TLL1: variants seen among roughly 807,000 people sequenced by gnomAD.
The protein encoded by TLL1 is tolloid like 1.
TLL1 carries 49 observed loss-of-function variants against 128.2 expected under a neutral mutation model. The observed-to-expected ratio is 0.38, with a 90% CI of 0.30 to 0.48. TLL1 has a LOEUF of 0.48. TLL1 is among the 20% of genes least tolerant of loss of function. The probability of loss-of-function intolerance (pLI) is 0.96; values close to 1 mark genes in which losing one functional copy is unlikely to be tolerated. For synonymous variants in TLL1, 454 were observed against 418.8 expected (o/e 1.08, Z -1.03); for missense variants, 1,123 against 1,242.0 (o/e 0.90, Z 1.44).
intron 1 of TLL1, among the ~76,000 whole-genome samples, chr4:165,934,260 C>A (rs947603484): frequency 6.6e-6 from 1 of 151,518 alleles, no homozygotes; most frequent in Admixed American, 6.6e-5. Flanking sequence ...GGTGATCCAC[C>A]CGCCTCAGCC....
chr4:166,014,582 A>C (rs776211780), intron 8 of TLL1, 22 bp downstream of exon 8: 2 of 1,610,400 alleles, frequency 1.2e-6, no homozygotes, highest in Non-Finnish European at 1.7e-6. Flanking sequence ...CACAAACACA[A>C]GAGCATGACT....
chr4:166,085,902 G>A (rs768399682), intron 18 of TLL1, among the ~76,000 whole-genome samples: 5 of 152,074 alleles, frequency 3.3e-5, no homozygotes, highest in African/African-American at 4.8e-5. Flanking sequence ...AAAGCCTACT[G>A]TACTTTCTAA....
rs116897421 is a variant in TLL1, at chr4:165,912,417, C to A, written c.169+38344C>A. Among the ~76,000 whole-genome samples the A allele has an allele frequency of 2.4e-3, 359 of 152,284 alleles. 2 individuals are homozygous for A. The East Asian group carries it at 0.043, about 18-fold the overall frequency. On this transcript the variant is annotated intron_variant, in intron 1 of 20. Transcript: ENST00000061240. Reference sequence around the variant, plus strand: ...TCTAAAACTTGATTTGGTTTGCTTACGGTTCTGGTTTCCTACTCAGTGTCC... The same window carrying A: ...TCTAAAACTTGATTTGGTTTGCTTAAGGTTCTGGTTTCCTACTCAGTGTCC...
At chr4:165,919,892 T>C (rs1287901403) in intron 1 of TLL1, 10 of 453,616 alleles carry the variant, frequency 2.2e-5, no homozygotes, top group Non-Finnish European at 4.4e-5. Context: ...GCCCTTGAAG[T>C]TCAAGAAGAA....
At chr4:165,912,602 C>A (rs865815128) in intron 1 of TLL1, among the ~76,000 whole-genome samples, 2 of 152,194 alleles carry the variant, frequency 1.3e-5, no homozygotes, top group East Asian at 3.9e-4. Flanking sequence ...TCAGGCACAG[C>A]CTGATTAGAA....
chr4:165,971,237 A>G (rs1363411333), intron 1 of TLL1, among the ~76,000 whole-genome samples: 1 of 152,330 alleles, frequency 6.6e-6, no homozygotes, highest in Non-Finnish European at 1.5e-5. Flanking sequence ...TGGCCAGTCC[A>G]GGCAGCTTAG....
intron 19 of TLL1, among the ~76,000 whole-genome samples, chr4:166,093,763 T>C (rs1222297052): frequency 6.6e-6 from 1 of 152,174 alleles, no homozygotes; most frequent in Non-Finnish European, 1.5e-5. Flanking sequence ...TCCCTGCGGC[T>C]TTCCGCAGTG....
rs57920393 is a variant in TLL1, at chr4:165,895,633, T to TAAAAAAAA, written c.169+21582_169+21589dup. ...CCAAAAAGCTCAGTAAGACTTTTTGTAAAAAAAAAAAAAAAAAAAAAAAAA... is the reference window on the plus strand; with the variant it reads ...CCAAAAAGCTCAGTAAGACTTTTTGTAAAAAAAAAAAAAAAAAAAAAAAAAAAAAAAAA... On this transcript the variant is annotated intron_variant, in intron 1 of 20. Transcript: ENST00000061240. Among the ~76,000 whole-genome samples the TAAAAAAAA allele has an allele frequency of 1.0e-3, 69 of 68,448 alleles. 5 individuals are homozygous for TAAAAAAAA. Among genetic ancestry groups the TAAAAAAAA allele is most frequent in the African/African-American group, 6.3e-3 (63 of 9,924 alleles). 44.9% of individuals were successfully genotyped at this position (68,448 alleles called of 152,430 possible). A position where few individuals can be genotyped will look rare whatever the true frequency, so the allele number is the denominator to read the frequency against.
intron 1 of TLL1, among the ~76,000 whole-genome samples, chr4:165,888,788 C>A (rs1214827223): frequency 6.6e-6 from 1 of 152,148 alleles, no homozygotes; most frequent in Non-Finnish European, 1.5e-5. Flanking sequence ...GTTTAATTTT[C>A]ATTCTTCCTT....
chr4:166,069,528 AAG>A (rs1228101980), intron 16 of TLL1, among the ~76,000 whole-genome samples: 3 of 151,832 alleles, frequency 2.0e-5, no homozygotes, highest in African/African-American at 7.2e-5. Context: ...CATCAGGAAA[AAG>A]ACAAATATAT....
intron 1 of TLL1, among the ~76,000 whole-genome samples, chr4:165,964,005 T>C: frequency 6.6e-6 from 1 of 152,224 alleles, no homozygotes; most frequent in East Asian, 1.9e-4. Flanking sequence ...TGCCATGCTG[T>C]ATACTAGAAT....
chr4:165,882,365 A>G (rs1367021332), intron 1 of TLL1, among the ~76,000 whole-genome samples: 1 of 152,204 alleles, frequency 6.6e-6, no homozygotes, highest in African/African-American at 2.4e-5. Context: ...GTTTCCTAAC[A>G]AGTGGTAGAA....
chr4:166,009,947 G>A (rs1473068954), intron 7 of TLL1, among the ~76,000 whole-genome samples: 3 of 151,252 alleles, frequency 2.0e-5, no homozygotes, highest in Admixed American at 1.3e-4. Context: ...CTTGCAAAAC[G>A]TAAACTCTAT....
At chr4:165,980,361 T>C (rs1736100937) in intron 1 of TLL1, among the ~76,000 whole-genome samples, 1 of 152,122 alleles carries the variant, frequency 6.6e-6, no homozygotes, top group South Asian at 2.1e-4. Context: ...GACCTTAAAT[T>C]CATCAAAAGT....
At chr4:166,005,801 C>G (rs1264780548) in intron 6 of TLL1, among the ~76,000 whole-genome samples, 1 of 151,710 alleles carries the variant, frequency 6.6e-6, no homozygotes, top group Non-Finnish European at 1.5e-5. Flanking sequence ...ATGGTTTTTA[C>G]TCTTAAAAAT....
At chr4:165,992,681 T>C (rs937385568) in intron 2 of TLL1, 123 bp from the exon 3 acceptor site, 5 of 868,516 alleles carry the variant, frequency 5.8e-6, no homozygotes, top group African/African-American at 1.7e-5. Flanking sequence ...ATATTCATAA[T>C]TTCAACACTT....
chr4:166,014,559 A>C lies in TLL1; in HGVS notation c.1041A>C (p.Pro347=). 1 of 1,611,650 alleles carries C rather than the reference A, an allele frequency of 6.2e-7. No individual in the cohort carries two copies. Among genetic ancestry groups the C allele is most frequent in the South Asian group, 1.1e-5 (1 of 91,064 alleles). The change falls in exon 8 of 21, where the codon CCA becomes CCC. Residue 347 remains proline, a splice_region_variant and synonymous_variant. Coordinates refer to ENST00000061240, the MANE Select transcript of TLL1 (RefSeq NM_012464.5). ...IAQARKLYRC[P]ACGETLQESN... is the part of the protein sequence containing the mutation. ...AGGCAAGAAAGCTGTATAGATGTCC[A>C]GGTATTGCACTACACAAACACAAGA... is the stretch of plus-strand genomic sequence containing the variant.
chr4:165,944,632 C>T (rs72972238), intron 1 of TLL1, among the ~76,000 whole-genome samples: 5,457 of 151,976 alleles, frequency 0.036, 295 homozygotes, highest in African/African-American at 0.12. Context: ...TTGCTGTTCT[C>T]GGAGACTGGT....
chr4:166,050,112 T>C (rs1739640694), intron 12 of TLL1, among the ~76,000 whole-genome samples: 1 of 152,156 alleles, frequency 6.6e-6, no homozygotes, highest in Non-Finnish European at 1.5e-5. Flanking sequence ...AGTTCAGTAG[T>C]GTTAAGTAGA....
Sources: allele counts gnomAD v4.1 joint callset (sites outside exome capture counted in the v4.1 genomes callset), GRCh38; gene constraint gnomAD v4.1.1; transcripts MANE v1.5; gene names NCBI Gene and HGNC (gene_info 2026-07-23, HGNC 2026-07-21).